PIBF1: variants seen among roughly 807,000 people sequenced by gnomAD.
PIBF1 encodes progesterone-induced-blocking factor 1.
PIBF1 carries 90 observed loss-of-function variants against 112.5 expected under a neutral mutation model. The observed-to-expected ratio is 0.80, with a 90% CI of 0.67 to 0.95. The LOEUF (loss-of-function observed/expected upper bound fraction) is 0.95. Ranked by LOEUF, PIBF1 falls within the 40% of genes least tolerant of loss-of-function variation. The pLI is 0.00. For missense variants in PIBF1, 915 were observed against 852.3 expected, an observed-to-expected ratio of 1.07 and a Z score of -0.92; for synonymous variants, 301 against 288.6, an observed-to-expected ratio of 1.04 and a Z score of -0.44.
chr13:72,795,643 T>A, intron 4 of PIBF1, 86 bp downstream of exon 4: 1 of 793,190 alleles, frequency 1.3e-6, no homozygotes, highest in Non-Finnish European at 2.1e-6. Flanking sequence ...ACTTTTGAAG[T>A]ACCCAATTGA....
At chr13:73,001,582 C>CTTTTTATTTTTTTTTTTTTTTTTT (rs1555331970) in intron 17 of PIBF1, among the ~76,000 whole-genome samples, 1 of 29,160 alleles carries the variant, frequency 3.4e-5, no homozygotes, top group African/African-American at 8.3e-5. Flanking sequence ...AAGAGCTTGA[C>CTTTTTATTTTTTTTTTTTTTTTTT]TTTTTTTTTT....
chr13:72,802,615 G>A (rs1004107744), intron 5 of PIBF1, among the ~76,000 whole-genome samples: 2 of 152,208 alleles, frequency 1.3e-5, no homozygotes, highest in Admixed American at 6.5e-5. Context: ...GTTCAGCTGA[G>A]ATAGGTAGGT....
chr13:72,892,210 T>C (rs937800309), intron 10 of PIBF1, among the ~76,000 whole-genome samples: 2 of 152,162 alleles, frequency 1.3e-5, no homozygotes, highest in Non-Finnish European at 2.9e-5. Flanking sequence ...AGTGTTTGTT[T>C]TTCTATATAA....
chr13:72,804,285 A>G (rs2035619564), intron 5 of PIBF1, among the ~76,000 whole-genome samples: 1 of 152,198 alleles, frequency 6.6e-6, no homozygotes, highest in Non-Finnish European at 1.5e-5. Context: ...AGAAAAGCAT[A>G]ACAAATTTAT....
Position 72,792,431 on chromosome 13 carries a change from TTTTCTC to T in PIBF1, c.253-12_253-7del. On this transcript the variant is annotated splice_polypyrimidine_tract_variant and intron_variant, in intron 2 of 17. Transcript: ENST00000326291. ...TTATGACAAATCATATAATTTATCTTTTTCTCTTTACGAAGATTGAAGAATTGGAGG... is the reference window on the plus strand; with the variant it reads ...TTATGACAAATCATATAATTTATCTTTTTACGAAGATTGAAGAATTGGAGG... 7.1e-7 allele frequency: 1 copy of T among 1,413,602 alleles called. No homozygotes were observed. Among genetic ancestry groups the T allele is most frequent in the Non-Finnish European group, 9.7e-7 (1 of 1,029,692 alleles). 87.6% of individuals were successfully genotyped at this position (1,413,602 alleles called of 1,614,324 possible). A position where few individuals can be genotyped will look rare whatever the true frequency, so the allele number is the denominator to read the frequency against.
chr13:72,791,426 A>G (rs1318042878), intron 2 of PIBF1, among the ~76,000 whole-genome samples: 1 of 152,160 alleles, frequency 6.6e-6, no homozygotes, highest in Non-Finnish European at 1.5e-5. Flanking sequence ...AATTTTCTAA[A>G]TAGACTAAGA....
At chr13:72,852,788 A>G (rs1395868759) in intron 9 of PIBF1, among the ~76,000 whole-genome samples, 5 of 152,242 alleles carry the variant, frequency 3.3e-5, no homozygotes, top group African/African-American at 4.8e-5. Flanking sequence ...CTGTATGAAT[A>G]ATAAAAAATA....
At chr13:72,858,523 G>C (rs1472658935) in intron 10 of PIBF1, among the ~76,000 whole-genome samples, 1 of 152,312 alleles carries the variant, frequency 6.6e-6, no homozygotes, top group Non-Finnish European at 1.5e-5. Flanking sequence ...CAACAATGTA[G>C]TTGTACAAAA....
intron 14 of PIBF1, among the ~76,000 whole-genome samples, chr13:72,953,785 C>G (rs1387889007): frequency 2.0e-5 from 3 of 152,092 alleles, no homozygotes; most frequent in African/African-American, 4.8e-5. Context: ...GGCTACCAGC[C>G]AGGAGGTGGT....
chr13:72,993,239 C>T (rs537573365), intron 16 of PIBF1, among the ~76,000 whole-genome samples: 3 of 151,768 alleles, frequency 2.0e-5, no homozygotes, highest in Non-Finnish European at 2.9e-5. Context: ...GTGGGAGGAT[C>T]GCTTGAGCCC....
chr13:72,959,567 C>G (rs1462031853), intron 14 of PIBF1, among the ~76,000 whole-genome samples: 1 of 152,140 alleles, frequency 6.6e-6, no homozygotes, highest in Non-Finnish European at 1.5e-5. Context: ...AACTTCATTT[C>G]TAGTTTCTGT....
intron 6 of PIBF1, 137 bp downstream of exon 6, chr13:72,822,119 A>T (rs1566314501): frequency 8.8e-6 from 6 of 685,548 alleles, no homozygotes; most frequent in Non-Finnish European, 1.4e-5. Flanking sequence ...CAGTTTTGGC[A>T]GTTTGTTGGG....
At chr13:72,850,436 G>A (rs56243437) in intron 9 of PIBF1, among the ~76,000 whole-genome samples, 1,543 of 151,918 alleles carry the variant, frequency 0.01, 7 homozygotes, top group Middle Eastern at 0.027. Flanking sequence ...CATAGTACCC[G>A]CTAATCATAC....
Position 72,991,557 on chromosome 13 carries a change from A to G in PIBF1, c.2050-7265A>G, listed in dbSNP as rs577950034. Among the ~76,000 whole-genome samples the G allele has an allele frequency of 7.1e-4, 108 of 152,222 alleles. 1 individual carries two copies. Among genetic ancestry groups the G allele is most frequent in the African/African-American group, 2.6e-3 (108 of 41,530 alleles). On this transcript the variant is annotated intron_variant, in intron 16 of 17. Coordinates refer to ENST00000326291, the MANE Select transcript of PIBF1 (RefSeq NM_006346.4). ...TTTCTGCAAGTTAGTATAAAAGCAT[A>G]TCAGATTTTATCAGACTACGTTATA...
chr13:72,834,311 C>T (rs892832142), intron 8 of PIBF1, among the ~76,000 whole-genome samples: 13 of 152,080 alleles, frequency 8.5e-5, no homozygotes, highest in African/African-American at 2.9e-4. Flanking sequence ...CTTTTATAAC[C>T]CTTGAATTAT....
rs749737362 is a variant in PIBF1 at position 72,795,573 on chromosome 13, C to G, written c.552+16C>G. 7.3e-7 allele frequency: 1 copy of G among 1,372,494 alleles called. No individual in the cohort carries two copies. Among genetic ancestry groups the G allele is most frequent in the Non-Finnish European group, 1.0e-6 (1 of 982,246 alleles). 85.0% of individuals were successfully genotyped at this position (1,372,494 alleles called of 1,614,324 possible). On this transcript the variant is annotated intron_variant, in intron 4 of 17. Transcript: ENST00000326291. ...ATATGTATCTGTAAGTATCTTATAT[C>G]TATTTTTAACTATGACATATATTTT... is the stretch of plus-strand genomic sequence containing the variant.
chr13:72,934,627 A>G (rs192869355), intron 14 of PIBF1, among the ~76,000 whole-genome samples: 13 of 152,350 alleles, frequency 8.5e-5, no homozygotes, highest in Admixed American at 7.2e-4. Flanking sequence ...TGAGTTAAAC[A>G]CTATTCAGAT....
intron 10 of PIBF1, chr13:72,884,527 A>C (rs1231585898): frequency 6.6e-6 from 1 of 151,812 alleles, no homozygotes; most frequent in African/African-American, 2.4e-5. Context: ...GTTTGAGAGA[A>C]GACATTTCTT....
intron 17 of PIBF1, among the ~76,000 whole-genome samples, chr13:73,011,828 A>G (rs2044212892): frequency 6.6e-6 from 1 of 152,188 alleles, no homozygotes; most frequent in South Asian, 2.1e-4. Flanking sequence ...CAAAAAACAC[A>G]GTTTGAAGAG....
Sources: allele counts gnomAD v4.1 joint callset (sites outside exome capture counted in the v4.1 genomes callset), GRCh38; gene constraint gnomAD v4.1.1; transcripts MANE v1.5; gene names NCBI Gene and HGNC (gene_info 2026-07-23, HGNC 2026-07-21).